PALM2AKAP2: variants seen among roughly 807,000 people sequenced by gnomAD.
The protein encoded by PALM2AKAP2 is PALM2 and AKAP2 fusion.
PALM2AKAP2 carries 37 observed loss-of-function variants against 71.5 expected under a neutral mutation model. The observed-to-expected ratio is 0.52, with a 90% CI of 0.40 to 0.68. PALM2AKAP2 has a LOEUF of 0.68. Ranked by LOEUF, PALM2AKAP2 falls within the 30% of genes least tolerant of loss-of-function variation. The probability of loss-of-function intolerance (pLI) is 0.00; values close to 1 mark genes in which losing one functional copy is unlikely to be tolerated. For missense variants in PALM2AKAP2, 1,224 were observed against 1,191.8 expected (o/e 1.03, Z -0.40); for synonymous variants, 468 against 478.8 (o/e 0.98, Z 0.29).
chr9:109,911,028 G>A (rs1430952464), intron 3 of PALM2AKAP2, among the ~76,000 whole-genome samples: 2 of 152,112 alleles, frequency 1.3e-5, no homozygotes, highest in Admixed American at 6.5e-5. Context: ...AGGGGAGAGG[G>A]GATAGTTAAT....
At chr9:109,780,405 C>G, upstream of PALM2AKAP2, 1 of 1,610,838 alleles carries the variant, frequency 6.2e-7, no homozygotes, top group Non-Finnish European at 8.5e-7. Context: ...GCAAAGCCCC[C>G]CGGGGTGCCC....
chr9:109,880,740 C>T (rs1564193363), intron 3 of PALM2AKAP2, 59 bp downstream of exon 3: 8 of 1,593,706 alleles, frequency 5.0e-6, no homozygotes, highest in Non-Finnish European at 6.0e-6. Flanking sequence ...GTAACCACTG[C>T]TCTCCTCTAG....
chr9:110,084,709 G>A (rs1834522309), intron 1 of PALM2AKAP2, among the ~76,000 whole-genome samples: 1 of 152,182 alleles, frequency 6.6e-6, no homozygotes, highest in East Asian at 1.9e-4. Context: ...TTCACTACAC[G>A]TGCTACCATA....
chr9:109,720,581 G>C (rs556826314), intron 1 of PALM2AKAP2, among the ~76,000 whole-genome samples: 1 of 152,318 alleles, frequency 6.6e-6, no homozygotes, highest in East Asian at 1.9e-4. Flanking sequence ...CAAGGATAAA[G>C]CTCAGGGGAA....
At chr9:110,119,341 CAAA>C (rs200861093) in intron 1 of PALM2AKAP2, among the ~76,000 whole-genome samples, 1,930 of 88,886 alleles carry the variant, frequency 0.022, 36 homozygotes, top group African/African-American at 0.071. Flanking sequence ...GACTCCATCT[CAAA>C]AAAAAAAAAA....
intron 6 of PALM2AKAP2, among the ~76,000 whole-genome samples, chr9:109,940,549 A>G (rs1831335791): frequency 6.6e-6 from 1 of 152,212 alleles, no homozygotes; most frequent in African/African-American, 2.4e-5. Context: ...GCACTAGAAC[A>G]TATGGTTGAA....
At chr9:109,907,966 G>A (rs556373062) in intron 3 of PALM2AKAP2, among the ~76,000 whole-genome samples, 8 of 152,260 alleles carry the variant, frequency 5.3e-5, no homozygotes, top group Admixed American at 3.3e-4. Flanking sequence ...TCATTCTGCC[G>A]TCCATGGCTC....
chr9:109,748,928 C>G (rs1008097140), intron 1 of PALM2AKAP2, among the ~76,000 whole-genome samples: 1 of 152,132 alleles, frequency 6.6e-6, no homozygotes, highest in Admixed American at 6.6e-5. Flanking sequence ...TATAAAGACT[C>G]CAGCCATATT....
chr9:109,645,026 A>T (rs1470033255), intron 1 of PALM2AKAP2, among the ~76,000 whole-genome samples: 1 of 152,180 alleles, frequency 6.6e-6, no homozygotes, highest in Non-Finnish European at 1.5e-5. Context: ...AGTTGGCTTC[A>T]CAGTTTTGAC....
rs920667697 is a variant in PALM2AKAP2, at chr9:109,943,101, A to G, written c.496+11073A>G. On this transcript the variant is annotated intron_variant, in intron 6 of 9. Transcript: ENST00000302798. ...CCCCCAGCGCTGCAGGGCCGGAGGC[A>G]AACTTGGATCAGCCCGTCACCATGA... is the stretch of plus-strand genomic sequence containing the variant. 14 of 1,614,142 alleles carry G rather than the reference A, an allele frequency of 8.7e-6. No individual in the cohort carries two copies. In the African/African-American group the frequency reaches 1.9e-4, roughly 22 times the overall value.
At chr9:109,814,788 A>T (rs562626063) in intron 1 of PALM2AKAP2, among the ~76,000 whole-genome samples, 123 of 152,366 alleles carry the variant, frequency 8.1e-4, no homozygotes, top group African/African-American at 2.6e-3. Context: ...ATATCATTGC[A>T]TAAGCAGTTC....
chr9:109,941,075 TTTC>T (rs1404308993), intron 6 of PALM2AKAP2, among the ~76,000 whole-genome samples: 5 of 152,002 alleles, frequency 3.3e-5, no homozygotes, highest in Admixed American at 2.0e-4. Context: ...CCTCCCTCTC[TTTC>T]TTCTTCTCCT....
At chr9:110,141,871 A>G (rs962729334) in intron 2 of PALM2AKAP2, among the ~76,000 whole-genome samples, 2 of 152,312 alleles carry the variant, frequency 1.3e-5, no homozygotes, top group Middle Eastern at 3.4e-3. Flanking sequence ...GGAAGGAGAA[A>G]TCTTCTAATT....
chr9:110,112,831 C>T (rs1026981682), intron 1 of PALM2AKAP2, among the ~76,000 whole-genome samples: 1 of 152,264 alleles, frequency 6.6e-6, no homozygotes, highest in Admixed American at 6.5e-5. Context: ...ATGTAAACTA[C>T]AGCTATCAAG....
At chr9:109,641,350 A>C (rs1236693540) in intron 1 of PALM2AKAP2, among the ~76,000 whole-genome samples, 2 of 152,246 alleles carry the variant, frequency 1.3e-5, no homozygotes, top group Non-Finnish European at 2.9e-5. Context: ...CCAGGGCTGC[A>C]ATGTCCTGGC....
At position 109,865,734 on chromosome 9, in the gene PALM2AKAP2, G is replaced by T. The variant is rs531952951; in HGVS notation, c.46-1757G>T. ...CTCTCATATCTATGACATACATCTT[G>T]GTTCTGTATTTAAATGTAGGACAAC... is the stretch of plus-strand genomic sequence containing the variant. On this transcript the variant is annotated intron_variant, in intron 1 of 9. Transcript: ENST00000302798. Among the ~76,000 whole-genome samples the T allele has an allele frequency of 3.3e-5, 5 of 152,294 alleles. No homozygotes were observed. The South Asian group carries it at 6.2e-4, about 19-fold the overall frequency.
intron 6 of PALM2AKAP2, among the ~76,000 whole-genome samples, chr9:110,013,532 T>A (rs1832921220): frequency 6.6e-6 from 1 of 152,164 alleles, no homozygotes; most frequent in East Asian, 1.9e-4. Flanking sequence ...AAACTTGCAT[T>A]TAAGATAAAG....
intron 6 of PALM2AKAP2, among the ~76,000 whole-genome samples, chr9:109,993,949 T>C (rs12338943): frequency 0.29 from 43,456 of 151,986 alleles, 7,847 homozygotes; most frequent in Non-Finnish European, 0.41. Flanking sequence ...TTTTTTCTCC[T>C]TTCTTTTTCC....
chr9:109,824,368 T>C (rs1828087665), intron 1 of PALM2AKAP2, among the ~76,000 whole-genome samples: 1 of 152,222 alleles, frequency 6.6e-6, no homozygotes, highest in African/African-American at 2.4e-5. Flanking sequence ...TTATTTATCC[T>C]TTCTGCTCCC....
Sources: gnomAD v4.1 joint callset for allele counts (sites outside exome capture counted in the v4.1 genomes callset) on GRCh38, gnomAD v4.1.1 for gene constraint, MANE v1.5 for transcripts, NCBI Gene and HGNC (gene_info 2026-07-23, HGNC 2026-07-21) for gene names.